The following CEP85L variants were observed in gnomAD, a reference collection of about 807,000 sequenced individuals.
CEP85L encodes centrosomal protein of 85 kDa-like.
Under a neutral mutation model 100.3 loss-of-function variants are expected in CEP85L, and 60 were observed. The ratio of observed to expected loss-of-function variants is 0.60; its 90% CI spans 0.49 to 0.74. CEP85L has a LOEUF of 0.74. CEP85L is among the 30% of genes least tolerant of loss of function. The pLI, the probability that CEP85L is intolerant of heterozygous loss-of-function variation, is 0.00. For missense variants in CEP85L, 973 were observed against 936.2 expected (o/e 1.04, Z -0.51); for synonymous variants, 319 against 322.7 (o/e 0.99, Z 0.12).
rs1562297733 is a variant in CEP85L at position 118,600,300 on chromosome 6, G to GGGGGTGT, written c.232+32152_232+32153insACACCCC. Among the ~76,000 whole-genome samples the GGGGGTGT allele has an allele frequency of 1.4e-3, 71 of 52,244 alleles. 14 individuals are homozygous for GGGGGTGT. Among genetic ancestry groups the GGGGGTGT allele is most frequent in the Non-Finnish European group, 2.0e-3 (50 of 24,778 alleles). The allele number at this position is 52,244 out of a possible 152,430, so 34.3% of individuals were successfully genotyped here. A position where few individuals can be genotyped will look rare whatever the true frequency, so the allele number is the denominator to read the frequency against. ...CTGCCTGTCCCTGAGCCTTCCTGGG[G>GGGGGTGT]GTGTGTGTGTGTGTGTGTGTGTGTG... On this transcript the variant is annotated intron_variant, in intron 2 of 12. Transcript: ENST00000368491.
At chr6:118,700,544 A>G (rs1299564516) in intron 1 of CEP85L, among the ~76,000 whole-genome samples, 2 of 152,140 alleles carry the variant, frequency 1.3e-5, no homozygotes, top group East Asian at 1.9e-4. Context: ...CATATTCTCC[A>G]TATTATGCCA....
At chr6:118,504,087 T>C (rs1001989064) in intron 5 of CEP85L, among the ~76,000 whole-genome samples, 18 of 152,038 alleles carry the variant, frequency 1.2e-4, no homozygotes, top group African/African-American at 4.3e-4. Flanking sequence ...AATGTACAAA[T>C]AATAGGCCGG....
intron 4 of CEP85L, among the ~76,000 whole-genome samples, chr6:118,518,077 C>T (rs11760046): frequency 0.46 from 70,447 of 151,928 alleles, 16,827 homozygotes; most frequent in Middle Eastern, 0.57. Context: ...CCAGGGATGA[C>T]GCCGACTTGT....
At chr6:118,548,620 C>A (rs1296668268) in intron 3 of CEP85L, among the ~76,000 whole-genome samples, 1 of 151,940 alleles carries the variant, frequency 6.6e-6, no homozygotes, top group Non-Finnish European at 1.5e-5. Context: ...CATCTTTGAT[C>A]CTGGTTACTG....
At chr6:118,639,700 G>T (rs1562330680) in intron 1 of CEP85L, among the ~76,000 whole-genome samples, 1 of 152,016 alleles carries the variant, frequency 6.6e-6, no homozygotes. Context: ...AAAATGAAAG[G>T]CAACTTTTTT....
In CEP85L at chr6:118,643,168, T is replaced by G. The variant is rs140593059; in HGVS notation, c.73+8029A>C. 5.4e-4 allele frequency among the ~76,000 whole-genome samples: 82 copies of G among 152,320 alleles called. No homozygotes were observed. The East Asian group carries it at 0.015, about 29-fold the overall frequency. ...AATATTACAAAATAATTGAGAAAAT[T>G]TATAAATATATGGAAGTTTTCTGTT... On this transcript the variant is annotated intron_variant, in intron 1 of 12. Transcript: ENST00000368491.
intron 10 of CEP85L, among the ~76,000 whole-genome samples, chr6:118,476,523 C>T (rs1489709755): frequency 1.3e-5 from 2 of 151,960 alleles, no homozygotes. Context: ...AACATTAAAG[C>T]AATTGATATT....
At chr6:118,652,991 CCA>C (rs1267910552), upstream of CEP85L, among the ~76,000 whole-genome samples, 5 of 151,900 alleles carry the variant, frequency 3.3e-5, no homozygotes, top group African/African-American at 1.2e-4. Context: ...TTTGTAGTTA[CCA>C]CAGTCTCAGG....
intron 4 of CEP85L, among the ~76,000 whole-genome samples, chr6:118,511,879 T>C (rs944042684): frequency 1.3e-5 from 2 of 151,284 alleles, no homozygotes; most frequent in Non-Finnish European, 2.9e-5. Context: ...TTTAAGAAAA[T>C]CCACATATAA....
chr6:118,600,359 G>C (rs1294988943), intron 2 of CEP85L, among the ~76,000 whole-genome samples: 9 of 139,176 alleles, frequency 6.5e-5, no homozygotes, highest in Non-Finnish European at 1.1e-4. Flanking sequence ...GTGTGTGTGT[G>C]TGTGTGTGTG....
At chr6:118,589,135 C>T (rs1781033885) in intron 2 of CEP85L, 2 of 288,600 alleles carry the variant, frequency 6.9e-6, no homozygotes, top group East Asian at 9.6e-5. Context: ...AGAAGAAACA[C>T]AAGGCCTTCA....
At chr6:118,638,376 CT>C (rs1172095039) in intron 1 of CEP85L, among the ~76,000 whole-genome samples, 2 of 151,930 alleles carry the variant, frequency 1.3e-5, no homozygotes, top group African/African-American at 2.4e-5. Context: ...ACATTCTAAT[CT>C]TTTAATTTAA....
In CEP85L at chr6:118,465,372, A is replaced by G; in HGVS notation, c.*33T>C. The G allele has an allele frequency of 6.3e-7, 1 of 1,598,584 alleles. No homozygotes were observed. Among genetic ancestry groups the G allele is most frequent in the Non-Finnish European group, 8.5e-7 (1 of 1,170,016 alleles). On this transcript the variant is annotated 3_prime_UTR_variant, in exon 13 of 13. Transcript: ENST00000368491. ...TCCATAACACAGCAGCATTTAAACA[A>G]CAGGTCATTATTGCTGTGGGACTAA...
intron 1 of CEP85L, among the ~76,000 whole-genome samples, chr6:118,676,706 A>C (rs573813294): frequency 6.6e-6 from 1 of 152,194 alleles, no homozygotes. Flanking sequence ...TATACCCAAA[A>C]GTGGGATGGC....
At chr6:118,653,258 CAG>C (rs1271810719), upstream of CEP85L, among the ~76,000 whole-genome samples, 7 of 152,134 alleles carry the variant, frequency 4.6e-5, no homozygotes, top group Non-Finnish European at 1.0e-4. Context: ...ATATCTATTA[CAG>C]AGTAAAAGCA....
chr6:118,491,133 G>A (rs1774528637), intron 6 of CEP85L, among the ~76,000 whole-genome samples: 2 of 149,512 alleles, frequency 1.3e-5, no homozygotes, highest in Non-Finnish European at 3.0e-5. Context: ...CATAGTTGTT[G>A]TACTCGTTTA....
At chr6:118,557,012 G>A (rs929132529) in intron 3 of CEP85L, among the ~76,000 whole-genome samples, 1 of 152,154 alleles carries the variant, frequency 6.6e-6, no homozygotes, top group Non-Finnish European at 1.5e-5. Flanking sequence ...CTACTATTAA[G>A]TAGAAGTCTG....
chr6:118,510,972 G>T (rs1011657947), intron 5 of CEP85L, among the ~76,000 whole-genome samples: 4 of 151,882 alleles, frequency 2.6e-5, no homozygotes, highest in African/African-American at 7.3e-5. Context: ...AAAAAAGCAA[G>T]GTGCCAGATA....
intron 3 of CEP85L, chr6:118,558,987 A>T: frequency 1.2e-6 from 2 of 1,612,000 alleles, no homozygotes; most frequent in Non-Finnish European, 1.7e-6. Flanking sequence ...AAATGCCTCA[A>T]CAAGCACGTC....
Sources: gnomAD v4.1 joint callset for allele counts (sites outside exome capture counted in the v4.1 genomes callset) on GRCh38, gnomAD v4.1.1 for gene constraint, MANE v1.5 for transcripts, NCBI Gene and HGNC (gene_info 2026-07-23, HGNC 2026-07-21) for gene names.